TMEM200B: variants seen among roughly 807,000 people sequenced by gnomAD.
TMEM200B encodes transmembrane protein 200B.
Under a neutral mutation model 17.6 loss-of-function variants are expected in TMEM200B, and 12 were observed. The ratio of observed to expected loss-of-function variants is 0.68; its 90% CI spans 0.44 to 1.11. The LOEUF is 1.11. Ranked by LOEUF, TMEM200B falls within the 50% of genes least tolerant of loss-of-function variation. The pLI, the probability that TMEM200B is intolerant of heterozygous loss-of-function variation, is 0.00. For missense variants in TMEM200B, 456 were observed against 447.6 expected, an observed-to-expected ratio of 1.02 and a Z score of -0.17; for synonymous variants, 234 against 209.2, an observed-to-expected ratio of 1.12 and a Z score of -1.02.
At chr1:29,123,689 C>T (rs1230425963) in intron 1 of TMEM200B, among the ~76,000 whole-genome samples, 167 bp downstream of exon 1, 3 of 151,002 alleles carry the variant, frequency 2.0e-5, no homozygotes, top group African/African-American at 7.3e-5. Context: ...GTCCCCAGGA[C>T]TCCAGGGTCC....
At position 29,121,720 on chromosome 1, in the gene TMEM200B, G is replaced by C. The variant is rs1222640524; in HGVS notation, c.109C>G (p.Pro37Ala). The C allele has an allele frequency of 8.3e-7, 1 of 1,208,428 alleles. No individual in the cohort carries two copies. Among genetic ancestry groups the C allele is most frequent in the Non-Finnish European group, 1.0e-6 (1 of 973,950 alleles). The allele number at this position is 1,208,428 out of a possible 1,614,324, so 74.9% of individuals were successfully genotyped here. The change falls in exon 2 of 2, where the codon CCC becomes GCC. Residue 37 changes from proline (P) to alanine (A), a missense_variant. Physicochemically the swap from Pro to Ala is conservative, Grantham distance 27. Transcript: ENST00000521452. The surrounding 1 kb of genome is among the most constrained non-coding windows in gnomAD (Gnocchi z 5.6). ...CGCGCCCGCACCCGCAGAGGCTCGG[G>C]CGGGGAGCGCGGGCGCCGGCGGCGG... ...LGRRRRPRSP[P>A]EPLRVRARLR...
intron 1 of TMEM200B, among the ~76,000 whole-genome samples, chr1:29,122,779 CCCGAGGCCTCCGT>C (rs1671864762): frequency 6.6e-6 from 1 of 152,258 alleles, no homozygotes; most frequent in African/African-American, 2.4e-5. Context: ...GCCTCCTCCG[CCCGAGGCCTCCGT>C]GGCCCGTGGC....
intron 1 of TMEM200B, among the ~76,000 whole-genome samples, chr1:29,123,111 G>T (rs1266378032): frequency 6.6e-6 from 1 of 152,174 alleles, no homozygotes; most frequent in Non-Finnish European, 1.5e-5. Flanking sequence ...CGGGGAGGCG[G>T]CCTTGCTCCC....
In TMEM200B at chr1:29,121,555, G is replaced by T; in HGVS notation, c.274C>A (p.Pro92Thr). The change falls in exon 2 of 2, where the codon CCC becomes ACC. Residue 92 changes from proline to threonine, a missense_variant. Pro to Thr is a conservative substitution (Grantham distance 38). Coordinates refer to ENST00000521452, the MANE Select transcript of TMEM200B (RefSeq NM_001003682.4). The surrounding 1 kb of genome is among the most constrained non-coding windows in gnomAD (Gnocchi z 5.6). ...PGSRAANASSPQMSELRREGR... is the reference protein window; with the variant it reads ...PGSRAANASSTQMSELRREGR... ...TCGCGTCGCAGCTCGCTCATCTGGG[G>T]CGAGCTGGCATTGGCGGCCCGGGAC... The T allele has an allele frequency of 6.6e-7, 1 of 1,508,650 alleles. No individual in the cohort carries two copies. Among genetic ancestry groups the T allele is most frequent in the African/African-American group, 1.4e-5 (1 of 69,668 alleles). 93.5% of individuals were successfully genotyped at this position (1,508,650 alleles called of 1,614,324 possible).
Position 29,121,289 on chromosome 1 carries a change from G to C in TMEM200B, c.540C>G (p.Ala180=). 1 of 1,607,636 alleles carries C rather than the reference G, an allele frequency of 6.2e-7. No homozygotes were observed. Among genetic ancestry groups the C allele is most frequent in the Non-Finnish European group, 8.5e-7 (1 of 1,177,854 alleles). The change falls in exon 2 of 2, where the codon GCC becomes GCG. Residue 180 remains alanine, a synonymous_variant. Coordinates refer to ENST00000521452, the MANE Select transcript of TMEM200B (RefSeq NM_001003682.4). This position sits in a 1 kb window ranked among gnomAD's most constrained non-coding sequence, Gnocchi z 5.6. ...AGATTTCTGGCTCTGCGCAGCCTAC[G>C]GCTCGGGGACTCCTAGGGCCGGGGC... The part of the protein sequence containing the change: ...LPSPGPRSPR[A]VGCAEPEIWD...
chr1:29,122,007 C>T (rs889416917), intron 1 of TMEM200B, among the ~76,000 whole-genome samples, 159 bp from the exon 2 acceptor site: 9 of 152,052 alleles, frequency 5.9e-5, no homozygotes, highest in Non-Finnish European at 1.3e-4. Flanking sequence ...GGCGGCGAGG[C>T]GGGGAGCCGC....
Position 29,121,360 on chromosome 1 carries a change from G to C in TMEM200B, c.469C>G (p.Leu157Val), listed in dbSNP as rs1401899865. 1 of 1,556,460 alleles carries C rather than the reference G, an allele frequency of 6.4e-7. No homozygotes were observed. Among genetic ancestry groups the C allele is most frequent in the African/African-American group, 1.4e-5 (1 of 73,586 alleles). ...CAGCCCGGGCCGTCGGGGGGCCGGA[G>C]CGCCTGGGCCCGCAGCACCCCCTGG... ...LRQGVLRAQA[L>V]RPPDGPGWDC... Residue 157 changes from leucine to valine, a missense_variant, in exon 2 of 2, where the codon CTC becomes GTC. Transcript: ENST00000521452. This position sits in a 1 kb window ranked among gnomAD's most constrained non-coding sequence, Gnocchi z 5.6.
chr1:29,120,793 T>G lies in TMEM200B; in HGVS notation c.*112A>C. The G allele has an allele frequency of 7.5e-7, 1 of 1,341,280 alleles. No individual in the cohort carries two copies. Among genetic ancestry groups the G allele is most frequent in the Non-Finnish European group, 1.0e-6 (1 of 999,532 alleles). 83.1% of individuals were successfully genotyped at this position (1,341,280 alleles called of 1,614,324 possible). A position where few individuals can be genotyped will look rare whatever the true frequency, so the allele number is the denominator to read the frequency against. ...ACAGCTGCTGTGGTCAGAGCATCCA[T>G]CCCCAGCCTGGGATGTGACTGAAAC... On this transcript the variant is annotated 3_prime_UTR_variant, in exon 2 of 2. Coordinates refer to ENST00000521452, the MANE Select transcript of TMEM200B (RefSeq NM_001003682.4).
chr1:29,120,612 A>C lies in TMEM200B; in HGVS notation c.*293T>G. On this transcript the variant is annotated 3_prime_UTR_variant, in exon 2 of 2. Transcript: ENST00000521452. The stretch of plus-strand genomic sequence containing the variant: ...ACATCTCCCAGTCACCCTGGCCTGG[A>C]CCTCCAGCCCTGTTAGGGCTAAGGC... The C allele has an allele frequency of 2.4e-6, 1 of 416,198 alleles. No homozygotes were observed. Among genetic ancestry groups the C allele is most frequent in the Non-Finnish European group, 4.3e-6 (1 of 232,870 alleles). 25.8% of individuals were successfully genotyped at this position (416,198 alleles called of 1,614,324 possible).
chr1:29,122,193 G>A (rs897038746), intron 1 of TMEM200B, among the ~76,000 whole-genome samples: 2 of 152,136 alleles, frequency 1.3e-5, no homozygotes, highest in Non-Finnish European at 2.9e-5. Flanking sequence ...CTTGGGCCTC[G>A]GGAAACGTGC....
At position 29,121,396 on chromosome 1, in the gene TMEM200B, G is replaced by C. The variant is rs1174167677; in HGVS notation, c.433C>G (p.Arg145Gly). 6.5e-7 allele frequency: 1 copy of C among 1,542,810 alleles called. No homozygotes were observed. Among genetic ancestry groups the C allele is most frequent in the African/African-American group, 1.4e-5 (1 of 73,260 alleles). The part of the protein sequence containing the change: ...LLYENRDLET[R>G]RLRQGVLRAQ... Reference sequence around the variant, plus strand: ...CGCAGCACCCCCTGGCGGAGCCGTCGCGTCTCCAAGTCTCGGTTCTCATAC... The same window carrying C: ...CGCAGCACCCCCTGGCGGAGCCGTCCCGTCTCCAAGTCTCGGTTCTCATAC... The change falls in exon 2 of 2, where the codon CGA becomes GGA. Residue 145 changes from arginine (R) to glycine (G), a missense_variant. Physicochemically the swap from Arg to Gly is moderately radical, Grantham distance 125. Coordinates refer to ENST00000521452, the MANE Select transcript of TMEM200B (RefSeq NM_001003682.4). This position sits in a 1 kb window ranked among gnomAD's most constrained non-coding sequence, Gnocchi z 5.6.
rs1394597787 is a variant in TMEM200B, at chr1:29,121,242, C to A, written c.587G>T (p.Gly196Val). ...PEIWDPSPRR[G>V]TSPVPSVRSL... ...CCGCACTGACGGGACGGGTGAAGTACCCCGACGCGGGGACGGGTCCCAGAT... is the reference window on the plus strand; with the variant it reads ...CCGCACTGACGGGACGGGTGAAGTAACCCGACGCGGGGACGGGTCCCAGAT... The change falls in exon 2 of 2, where the codon GGT (glycine) becomes GTT (valine). Residue 196 changes from glycine to valine, a missense_variant. Coordinates refer to ENST00000521452, the MANE Select transcript of TMEM200B (RefSeq NM_001003682.4). This position sits in a 1 kb window ranked among gnomAD's most constrained non-coding sequence, Gnocchi z 5.6. The A allele has an allele frequency of 2.4e-5, 38 of 1,612,966 alleles. No homozygotes were observed. Among genetic ancestry groups the A allele is most frequent in the Non-Finnish European group, 3.2e-5 (38 of 1,179,912 alleles).
rs1671799313 is a variant in TMEM200B at position 29,121,763 on chromosome 1, G to A, written c.66C>T (p.Arg22=). Residue 22 remains arginine, a synonymous_variant, in exon 2 of 2, where the codon CGC becomes CGT. Transcript: ENST00000521452. This position sits in a 1 kb window ranked among gnomAD's most constrained non-coding sequence, Gnocchi z 5.6. ...VRRSPEGRVS[R]LGRRLGRRRR... is the part of the protein sequence containing the mutation. ...GGCGGCGGCCCAGGCGGCGGCCCAAGCGAGAGACGCGGCCCTCGGGGCTCC... is the reference window on the plus strand; with the variant it reads ...GGCGGCGGCCCAGGCGGCGGCCCAAACGAGAGACGCGGCCCTCGGGGCTCC... 2 of 1,229,300 alleles carry A rather than the reference G, an allele frequency of 1.6e-6. No individual in the cohort carries two copies. Among genetic ancestry groups the A allele is most frequent in the East Asian group, 6.4e-5 (2 of 31,450 alleles). The allele number at this position is 1,229,300 out of a possible 1,614,324, so 76.1% of individuals were successfully genotyped here. A position where few individuals can be genotyped will look rare whatever the true frequency, so the allele number is the denominator to read the frequency against.
At chr1:29,122,975 G>T (rs1030389513) in intron 1 of TMEM200B, among the ~76,000 whole-genome samples, 2 of 152,244 alleles carry the variant, frequency 1.3e-5, no homozygotes, top group African/African-American at 4.8e-5. Flanking sequence ...GGGAGAAGAC[G>T]CGGCCCCCGC....
rs917409627 is a variant in TMEM200B, at chr1:29,123,658, G to A, written c.-21+198C>T. On this transcript the variant is annotated intron_variant, in intron 1 of 1. Coordinates refer to ENST00000521452, the MANE Select transcript of TMEM200B (RefSeq NM_001003682.4). ...AACTTGGGGACACAGCGCACAGCCCGACAGAAGATGCTGGGGCCGAGTCCC... is the reference window on the plus strand; with the variant it reads ...AACTTGGGGACACAGCGCACAGCCCAACAGAAGATGCTGGGGCCGAGTCCC... Among the ~76,000 whole-genome samples the A allele has an allele frequency of 2.0e-5, 3 of 152,128 alleles. No individual in the cohort carries two copies. In the East Asian group the frequency reaches 5.8e-4, roughly 30 times the overall value.
Position 29,120,711 on chromosome 1 carries a change from A to T in TMEM200B, c.*194T>A. 1 of 690,574 alleles carries T rather than the reference A, an allele frequency of 1.4e-6. No homozygotes were observed. The allele number at this position is 690,574 out of a possible 1,614,324, so 42.8% of individuals were successfully genotyped here. On this transcript the variant is annotated 3_prime_UTR_variant, in exon 2 of 2. Transcript: ENST00000521452. ...CAGTGAAACGCACCCTCTCCAGCTC[A>T]CTGAGCCCTGGTGCAGCTGGCATTT... is the stretch of plus-strand genomic sequence containing the variant.
chr1:29,120,710 C>A lies in TMEM200B; in HGVS notation c.*195G>T. The A allele has an allele frequency of 2.9e-6, 2 of 683,750 alleles. No homozygotes were observed. The highest frequency in any genetic ancestry group is 5.9e-5 in the Admixed American group (2 of 33,706). 42.4% of individuals were successfully genotyped at this position (683,750 alleles called of 1,614,324 possible). ...ACAGTGAAACGCACCCTCTCCAGCT[C>A]ACTGAGCCCTGGTGCAGCTGGCATT... On this transcript the variant is annotated 3_prime_UTR_variant, in exon 2 of 2. Transcript: ENST00000521452.
Position 29,120,611 on chromosome 1 carries a change from G to C in TMEM200B, c.*294C>G. On this transcript the variant is annotated 3_prime_UTR_variant, in exon 2 of 2. Transcript: ENST00000521452. Reference sequence around the variant, plus strand: ...TACATCTCCCAGTCACCCTGGCCTGGACCTCCAGCCCTGTTAGGGCTAAGG... The same window carrying C: ...TACATCTCCCAGTCACCCTGGCCTGCACCTCCAGCCCTGTTAGGGCTAAGG... The C allele has an allele frequency of 2.4e-6, 1 of 415,492 alleles. No individual in the cohort carries two copies. Among genetic ancestry groups the C allele is most frequent in the Non-Finnish European group, 4.3e-6 (1 of 232,420 alleles). The allele number at this position is 415,492 out of a possible 1,614,324, so 25.7% of individuals were successfully genotyped here. A position where few individuals can be genotyped will look rare whatever the true frequency, so the allele number is the denominator to read the frequency against.
chr1:29,123,078 G>A (rs1313891694), intron 1 of TMEM200B, among the ~76,000 whole-genome samples: 1 of 152,196 alleles, frequency 6.6e-6, no homozygotes, highest in Non-Finnish European at 1.5e-5. Context: ...GAACCACCGC[G>A]CTGGAGCCCG....
Sources: allele counts gnomAD v4.1 joint callset (sites outside exome capture counted in the v4.1 genomes callset), GRCh38; gene constraint gnomAD v4.1.1; non-coding constraint Gnocchi (gnomAD v3.1); transcripts MANE v1.5; gene names NCBI Gene and HGNC (gene_info 2026-07-23, HGNC 2026-07-21).